Variants in TFB1M observed in about 807,000 individuals in gnomAD.
The protein encoded by TFB1M is dimethyladenosine transferase 1, mitochondrial.
In TFB1M, 27 loss-of-function variants were observed where a neutral mutation model predicts 31.1. That is an observed-to-expected ratio of 0.87 (90% CI 0.64 to 1.20). The LOEUF (loss-of-function observed/expected upper bound fraction) is 1.20. Ranked by LOEUF, TFB1M falls within the 50% of genes most tolerant of loss-of-function variation. The pLI is 0.00. For missense variants in TFB1M, 394 were observed against 418.7 expected, an observed-to-expected ratio of 0.94 and a Z score of 0.51; for synonymous variants, 166 against 151.8, an observed-to-expected ratio of 1.09 and a Z score of -0.69.
At chr6:155,287,551 AGTGTGTGT>A (rs150032717) in intron 4 of TFB1M, among the ~76,000 whole-genome samples, 1 of 147,516 alleles carries the variant, frequency 6.8e-6, no homozygotes, top group African/African-American at 2.5e-5. Context: ...ATTTACTCTG[AGTGTGTGT>A]GTGTGTGTGT....
At chr6:155,240,594 G>A in the TFB1M span, 3 of 1,614,046 alleles carry the variant, frequency 1.9e-6, no homozygotes, top group South Asian at 3.3e-5. Flanking sequence ...GGCATGGAAG[G>A]ACCGCGGGAG....
chr6:155,248,305 T>C, the TFB1M span: 6 of 1,090,148 alleles, frequency 5.5e-6, no homozygotes, highest in Non-Finnish European at 7.7e-6. Context: ...ACTTTTCAGT[T>C]CTGCGATGGT....
the TFB1M span, chr6:155,244,756 C>T: frequency 6.2e-7 from 1 of 1,613,778 alleles, no homozygotes. Flanking sequence ...CTGACTTTAA[C>T]ACCCTAGAAA....
chr6:155,266,504 G>C (rs1435729075), intron 5 of TFB1M, among the ~76,000 whole-genome samples: 1 of 152,120 alleles, frequency 6.6e-6, no homozygotes, highest in Non-Finnish European at 1.5e-5. Flanking sequence ...CTCACCAGGG[G>C]GGATGAAAAG....
At chr6:155,280,045 T>C (rs143318918) in intron 5 of TFB1M, among the ~76,000 whole-genome samples, 4 of 151,978 alleles carry the variant, frequency 2.6e-5, no homozygotes, top group African/African-American at 7.3e-5. Flanking sequence ...AAACAACTGA[T>C]AAAGATGAAA....
At chr6:155,240,599 C>T in the TFB1M span, 78 of 1,614,122 alleles carry the variant, frequency 4.8e-5, no homozygotes, top group East Asian at 3.1e-4. Flanking sequence ...GGAAGGACCG[C>T]GGGAGAATCA....
Position 155,257,042 on chromosome 6 carries a change from G to A in TFB1M, c.*794C>T, listed in dbSNP as rs774854038. 1.3e-5 allele frequency: 21 copies of A among 1,614,042 alleles called. No homozygotes were observed. The East Asian group carries it at 3.1e-4, about 24-fold the overall frequency. On this transcript the variant is annotated 3_prime_UTR_variant, in exon 7 of 7. Coordinates refer to ENST00000367166, the MANE Select transcript of TFB1M (RefSeq NM_016020.4). ...ATCGACCTAAATTCTGTTCTAGAGC[G>A]AGAATTCAGTGTCCAGAGTTTAACA...
At chr6:155,286,669 A>G (rs1776672073) in intron 4 of TFB1M, among the ~76,000 whole-genome samples, 1 of 148,490 alleles carries the variant, frequency 6.7e-6, no homozygotes, top group Admixed American at 6.7e-5. Flanking sequence ...ATGTATATAT[A>G]CATATATATA....
intron 1 of TFB1M, among the ~76,000 whole-genome samples, chr6:155,312,544 C>T (rs1778058703): frequency 6.6e-6 from 1 of 152,156 alleles, no homozygotes; most frequent in African/African-American, 2.4e-5. Context: ...AAATGGAGAG[C>T]TACAACAGTA....
intron 5 of TFB1M, among the ~76,000 whole-genome samples, chr6:155,278,029 T>C (rs1167012548): frequency 1.3e-5 from 2 of 152,230 alleles, no homozygotes; most frequent in Non-Finnish European, 2.9e-5. Flanking sequence ...AACACGAATG[T>C]TTCAAACTCT....
At chr6:155,298,427 A>AT in intron 3 of TFB1M, 50 bp downstream of exon 3, 1 of 914,466 alleles carries the variant, frequency 1.1e-6, no homozygotes, top group East Asian at 2.4e-5. Flanking sequence ...AACATTTGTG[A>AT]TATAAATAAT....
At position 155,311,208 on chromosome 6, in the gene TFB1M, G is replaced by C; in HGVS notation, c.265C>G (p.Arg89Gly). ...AELLVVEKDT[R>G]FIPGLQMLSD... ...CTCACCTGTAATCCAGGAATAAATC[G>C]AGTGTCCTTTTCAACCACCAGAAGT... The change falls in exon 2 of 7, where the codon CGA becomes GGA. Residue 89 changes from arginine (R) to glycine (G), a missense_variant. Transcript: ENST00000367166. 1.2e-6 allele frequency: 2 copies of C among 1,614,048 alleles called. No individual in the cohort carries two copies. Among genetic ancestry groups the C allele is most frequent in the Non-Finnish European group, 1.7e-6 (2 of 1,179,952 alleles).
intron 2 of TFB1M, among the ~76,000 whole-genome samples, chr6:155,300,460 T>C (rs970638149): frequency 1.3e-5 from 2 of 152,172 alleles, no homozygotes; most frequent in African/African-American, 4.8e-5. Context: ...CTATGCGGCA[T>C]GCTCTTAATG....
In TFB1M at chr6:155,314,473, C is replaced by A; in HGVS notation, c.-45G>T. 1 of 1,609,020 alleles carries A rather than the reference C, an allele frequency of 6.2e-7. No homozygotes were observed. The highest frequency in any genetic ancestry group is 1.1e-5 in the South Asian group (1 of 91,016). ...CCAACCCTACCTCACCCAGGACCTTCACCGCCGCTCCGAAAGAAACGCGCA... is the reference window on the plus strand; with the variant it reads ...CCAACCCTACCTCACCCAGGACCTTAACCGCCGCTCCGAAAGAAACGCGCA... On this transcript the variant is annotated 5_prime_UTR_variant, in exon 1 of 7. Coordinates refer to ENST00000367166, the MANE Select transcript of TFB1M (RefSeq NM_016020.4).
the TFB1M span, among the ~76,000 whole-genome samples, chr6:155,231,551 CCTT>C: frequency 6.6e-6 from 1 of 152,240 alleles, no homozygotes; most frequent in Non-Finnish European, 1.5e-5. Context: ...CTGCCCTTTT[CCTT>C]CTCCACTCCA....
chr6:155,274,591 C>CA (rs1456988191), intron 5 of TFB1M, among the ~76,000 whole-genome samples: 1 of 152,236 alleles, frequency 6.6e-6, no homozygotes, highest in Non-Finnish European at 1.5e-5. Context: ...GAAAGGACCT[C>CA]ATGTTCTTAT....
At chr6:155,259,945 C>T (rs1784315956) in intron 6 of TFB1M, among the ~76,000 whole-genome samples, 2 of 152,312 alleles carry the variant, frequency 1.3e-5, no homozygotes, top group East Asian at 3.9e-4. Flanking sequence ...TAGGGCAACT[C>T]GGTAGAAAGC....
chr6:155,253,894 A>AT, downstream of TFB1M: 4 of 1,082,488 alleles, frequency 3.7e-6, no homozygotes, highest in Non-Finnish European at 4.1e-6. Flanking sequence ...AACTGATGAG[A>AT]TTTCAACTTT....
chr6:155,238,464 C>T, the TFB1M span, among the ~76,000 whole-genome samples: 4 of 152,152 alleles, frequency 2.6e-5, no homozygotes, highest in African/African-American at 9.7e-5. Context: ...GTGCCCCCGA[C>T]TCAAAAGAGA....
Sources: allele counts gnomAD v4.1 joint callset (sites outside exome capture counted in the v4.1 genomes callset), GRCh38; gene constraint gnomAD v4.1.1; transcripts MANE v1.5; gene names NCBI Gene and HGNC (gene_info 2026-07-23, HGNC 2026-07-21).